The following ATXN1 variants were observed in gnomAD, a reference collection of about 807,000 sequenced individuals.
The protein encoded by ATXN1 is ataxin-1.
Under a neutral mutation model 56.4 loss-of-function variants are expected in ATXN1, and 8 were observed. The observed-to-expected ratio is 0.14, with a 90% CI of 0.08 to 0.26. The LOEUF (loss-of-function observed/expected upper bound fraction) is 0.26. Among genes scored for constraint, ATXN1 ranks in the 10% least tolerant of loss-of-function variants. The pLI is 1.00. For missense variants in ATXN1, 987 were observed against 1,106.5 expected, an observed-to-expected ratio of 0.89 and a Z score of 1.53; for synonymous variants, 514 against 494.6, an observed-to-expected ratio of 1.04 and a Z score of -0.52.
At chr6:16,435,039 A>G (rs903248381) in intron 6 of ATXN1, among the ~76,000 whole-genome samples, 1 of 152,164 alleles carries the variant, frequency 6.6e-6, no homozygotes, top group African/African-American at 2.4e-5. Flanking sequence ...GGACTTGGTG[A>G]CACATTAGAT....
chr6:16,651,591 C>T (rs1382845052), intron 3 of ATXN1, among the ~76,000 whole-genome samples: 1 of 149,814 alleles, frequency 6.7e-6, no homozygotes, highest in Non-Finnish European at 1.5e-5. Context: ...AGGGATGAAG[C>T]AGAGGAAGAG....
At chr6:16,321,090 G>C (rs1434146436) in intron 7 of ATXN1, among the ~76,000 whole-genome samples, 1 of 152,208 alleles carries the variant, frequency 6.6e-6, no homozygotes, top group African/African-American at 2.4e-5. Flanking sequence ...CAAGGTCCCA[G>C]TGCTACTGAC....
intron 2 of ATXN1, among the ~76,000 whole-genome samples, chr6:16,704,769 C>T (rs1326254921): frequency 6.6e-6 from 1 of 152,228 alleles, no homozygotes; most frequent in African/African-American, 2.4e-5. Flanking sequence ...TACCTCAGAG[C>T]TGAAGTGATC....
chr6:16,638,748 G>GT (rs1339033597), intron 3 of ATXN1, among the ~76,000 whole-genome samples: 2 of 152,236 alleles, frequency 1.3e-5, no homozygotes, highest in East Asian at 3.8e-4. Flanking sequence ...TTGTCGAGCT[G>GT]TTAAATGAAT....
At chr6:16,681,873 A>T (rs943119518) in intron 2 of ATXN1, among the ~76,000 whole-genome samples, 1 of 152,226 alleles carries the variant, frequency 6.6e-6, no homozygotes, top group Non-Finnish European at 1.5e-5. Flanking sequence ...TTAAATGCCA[A>T]ATAAAATATA....
intron 1 of ATXN1, among the ~76,000 whole-genome samples, 160 bp from the exon 2 acceptor site, chr6:16,753,507 C>T (rs1277234754): frequency 1.3e-5 from 2 of 152,192 alleles, no homozygotes. Context: ...CAGATCCCAG[C>T]CAGCTCAAAA....
intron 2 of ATXN1, among the ~76,000 whole-genome samples, chr6:16,661,173 G>A (rs978766806): frequency 6.6e-6 from 1 of 151,932 alleles, no homozygotes; most frequent in African/African-American, 2.4e-5. Context: ...ATAGTGCTGG[G>A]AAACCTGGCT....
intron 3 of ATXN1, among the ~76,000 whole-genome samples, chr6:16,609,559 C>T (rs1763068350): frequency 6.6e-6 from 1 of 152,206 alleles, no homozygotes; most frequent in African/African-American, 2.4e-5. Flanking sequence ...CTGAAAAACA[C>T]ACCTGGTCTA....
chr6:16,689,511 TTTTTTTTTTC>T lies in ATXN1; in HGVS notation c.-614-31620_-614-31611del, dbSNP rs1261058729. Among the ~76,000 whole-genome samples the T allele has an allele frequency of 1.8e-3, 229 of 124,798 alleles. 1 individual carries two copies. Among genetic ancestry groups the T allele is most frequent in the African/African-American group, 7.0e-3 (209 of 29,682 alleles). The allele number at this position is 124,798 out of a possible 152,430, so 81.9% of individuals were successfully genotyped here. ...CTTTTTTTTCCTTCCTTTTTTTTTC[TTTTTTTTTTC>T]TTTTTTTTTTTTTTGTAGAGATGGA... On this transcript the variant is annotated intron_variant, in intron 2 of 7. Coordinates refer to ENST00000436367, the MANE Select transcript of ATXN1 (RefSeq NM_001128164.2).
chr6:16,704,009 G>T (rs1158844670), intron 2 of ATXN1, among the ~76,000 whole-genome samples: 1 of 152,184 alleles, frequency 6.6e-6, no homozygotes, highest in Non-Finnish European at 1.5e-5. Context: ...ACAAGAGCGA[G>T]ATTCCATCTC....
At chr6:16,479,714 C>T (rs770444376) in intron 6 of ATXN1, among the ~76,000 whole-genome samples, 2 of 152,116 alleles carry the variant, frequency 1.3e-5, no homozygotes. Flanking sequence ...TTGAGCACTT[C>T]GAATTTATAC....
chr6:16,404,704 G>A (rs533777992), intron 6 of ATXN1, among the ~76,000 whole-genome samples: 49 of 132,066 alleles, frequency 3.7e-4, no homozygotes, highest in African/African-American at 1.7e-3. Flanking sequence ...TCGCGCGCGC[G>A]CACACACGCA....
chr6:16,347,856 T>C (rs1318747997), intron 6 of ATXN1, among the ~76,000 whole-genome samples: 2 of 152,116 alleles, frequency 1.3e-5, no homozygotes, highest in Non-Finnish European at 2.9e-5. Context: ...CTCCGATCCC[T>C]TTCCACACTG....
intron 2 of ATXN1, among the ~76,000 whole-genome samples, chr6:16,668,320 A>C (rs1758473221): frequency 6.6e-6 from 1 of 150,796 alleles, no homozygotes; most frequent in Admixed American, 6.6e-5. Context: ...CATTAGGTAT[A>C]TCTCCTAATG....
chr6:16,741,627 A>G (rs1760342165), intron 2 of ATXN1, among the ~76,000 whole-genome samples: 1 of 152,194 alleles, frequency 6.6e-6, no homozygotes, highest in Non-Finnish European at 1.5e-5. Flanking sequence ...TCATTTACAC[A>G]TATTAAAAAA....
At chr6:16,698,769 CT>C (rs1302159855) in intron 2 of ATXN1, among the ~76,000 whole-genome samples, 7 of 151,922 alleles carry the variant, frequency 4.6e-5, no homozygotes, top group South Asian at 2.1e-4. Flanking sequence ...AACAAACAGG[CT>C]GTGTGTTGTA....
intron 6 of ATXN1, among the ~76,000 whole-genome samples, chr6:16,441,873 A>C (rs1362818323): frequency 6.6e-6 from 1 of 152,218 alleles, no homozygotes; most frequent in Non-Finnish European, 1.5e-5. Flanking sequence ...AGACTCAGAA[A>C]AGGAACATGA....
rs116716193 is a variant in ATXN1 at position 16,535,129 on chromosome 6, C to G, written c.-360-12441G>C. Among the ~76,000 whole-genome samples the G allele has an allele frequency of 3.4e-3, 525 of 152,316 alleles. 4 individuals carry two copies. Among genetic ancestry groups the G allele is most frequent in the African/African-American group, 0.012 (508 of 41,574 alleles). On this transcript the variant is annotated intron_variant, in intron 4 of 7. Transcript: ENST00000436367. The stretch of plus-strand genomic sequence containing the variant: ...ACTAGGATCAGTGAGGGACTAAAGT[C>G]AATCTGTAGCATGAAGATTTCACAG...
intron 6 of ATXN1, among the ~76,000 whole-genome samples, chr6:16,471,191 A>AACACATACACACAC (rs1554150511): frequency 1.6e-4 from 24 of 148,010 alleles, no homozygotes; most frequent in African/African-American, 6.0e-4. Flanking sequence ...TGGCAATTAA[A>AACACATACACACAC]ACACACACAC....
Sources: gnomAD v4.1 joint callset for allele counts (sites outside exome capture counted in the v4.1 genomes callset) on GRCh38, gnomAD v4.1.1 for gene constraint, MANE v1.5 for transcripts, NCBI Gene and HGNC (gene_info 2026-07-23, HGNC 2026-07-21) for gene names.